Variants in SPMAP2L observed in about 807,000 individuals in gnomAD.
SPMAP2L encodes sperm microtubule associated protein 2 like.
the SPMAP2L span, among the ~76,000 whole-genome samples, chr4:56,560,586 A>G: frequency 6.6e-6 from 1 of 152,108 alleles, no homozygotes; most frequent in Non-Finnish European, 1.5e-5. Context: ...CCAACTCAAC[A>G]AGTTTGTATC....
chr4:56,592,837 C>CTTCTGCCCA, the SPMAP2L span, among the ~76,000 whole-genome samples: 1 of 152,242 alleles, frequency 6.6e-6, no homozygotes, highest in Non-Finnish European at 1.5e-5. Flanking sequence ...TGCCCAGACA[C>CTTCTGCCCA]GACGACTTCG....
chr4:56,601,203 A>G, the SPMAP2L span: 1 of 1,249,962 alleles, frequency 8.0e-7, no homozygotes, highest in Non-Finnish European at 1.1e-6. Flanking sequence ...AAAGAGTTGT[A>G]GAAATATGAA....
the SPMAP2L span, among the ~76,000 whole-genome samples, chr4:56,543,990 G>GAC: frequency 2.1e-3 from 311 of 149,722 alleles, 5 homozygotes; most frequent in African/African-American, 7.3e-3. Flanking sequence ...GAGAGAGAGA[G>GAC]AGAGAGAGAG....
chr4:56,612,751 G>C, the SPMAP2L span, among the ~76,000 whole-genome samples: 5 of 151,798 alleles, frequency 3.3e-5, no homozygotes, highest in African/African-American at 1.2e-4. Context: ...ATTTTTAGTA[G>C]AGATGGGGTT....
the SPMAP2L span, among the ~76,000 whole-genome samples, chr4:56,619,478 A>G: frequency 1.3e-5 from 2 of 152,208 alleles, no homozygotes; most frequent in Non-Finnish European, 2.9e-5. Context: ...ATGTAAGTGG[A>G]ATCATACAGT....
At chr4:56,576,494 G>A in the SPMAP2L span, among the ~76,000 whole-genome samples, 277 of 152,256 alleles carry the variant, frequency 1.8e-3, 3 homozygotes, top group East Asian at 0.03. Flanking sequence ...CTAGCTATTG[G>A]GTAATGGAAA....
the SPMAP2L span, among the ~76,000 whole-genome samples, chr4:56,604,081 T>C: frequency 6.6e-6 from 1 of 152,168 alleles, no homozygotes; most frequent in African/African-American, 2.4e-5. Flanking sequence ...ATGAACTTAC[T>C]TGAAAGCCAA....
At chr4:56,530,879 A>C in the SPMAP2L span, 1 of 1,534,878 alleles carries the variant, frequency 6.5e-7, no homozygotes, top group East Asian at 2.4e-5. Flanking sequence ...AGGGAGCAAG[A>C]CCAGAGAGAC....
At chr4:56,613,852 C>T in the SPMAP2L span, among the ~76,000 whole-genome samples, 1 of 152,206 alleles carries the variant, frequency 6.6e-6, no homozygotes, top group Non-Finnish European at 1.5e-5. Flanking sequence ...GCAGGACCTA[C>T]CACTTGATCT....
the SPMAP2L span, among the ~76,000 whole-genome samples, chr4:56,571,789 A>G: frequency 1.3e-5 from 2 of 152,200 alleles, no homozygotes; most frequent in East Asian, 3.9e-4. Context: ...TTGAGGCTGC[A>G]GTGAGCTATG....
At chr4:56,586,791 A>G in the SPMAP2L span, among the ~76,000 whole-genome samples, 3 of 152,086 alleles carry the variant, frequency 2.0e-5, no homozygotes, top group Non-Finnish European at 4.4e-5. Flanking sequence ...GTCACATAAC[A>G]TTACAGCAGT....
the SPMAP2L span, among the ~76,000 whole-genome samples, chr4:56,625,069 A>T: frequency 6.6e-6 from 1 of 152,178 alleles, no homozygotes. Flanking sequence ...GCTGCTCAAG[A>T]CCATGGGAAC....
the SPMAP2L span, among the ~76,000 whole-genome samples, chr4:56,563,079 G>A: frequency 7.4e-6 from 1 of 134,408 alleles, no homozygotes; most frequent in Non-Finnish European, 1.6e-5. Flanking sequence ...AAGATAAGAA[G>A]GTTGTTAAGG....
the SPMAP2L span, chr4:56,594,530 G>A: frequency 1.9e-6 from 3 of 1,608,138 alleles, no homozygotes; most frequent in Non-Finnish European, 2.6e-6. Flanking sequence ...AGAATATGCT[G>A]GACTGGCCAC....
chr4:56,541,296 C>T, the SPMAP2L span, among the ~76,000 whole-genome samples: 1 of 151,630 alleles, frequency 6.6e-6, no homozygotes, highest in Non-Finnish European at 1.5e-5. Context: ...AATTGTATTA[C>T]AAAAATTTAA....
At chr4:56,607,082 A>C in the SPMAP2L span, among the ~76,000 whole-genome samples, 1 of 152,124 alleles carries the variant, frequency 6.6e-6, no homozygotes. Flanking sequence ...ATGAAACAGG[A>C]TAGAGAGTGC....
chr4:56,572,838 A>G, the SPMAP2L span, among the ~76,000 whole-genome samples: 1 of 152,250 alleles, frequency 6.6e-6, no homozygotes, highest in East Asian at 1.9e-4. Flanking sequence ...CAACATGGCA[A>G]AACCCTGTCT....
At chr4:56,569,213 T>G in the SPMAP2L span, among the ~76,000 whole-genome samples, 1 of 152,202 alleles carries the variant, frequency 6.6e-6, no homozygotes, top group Non-Finnish European at 1.5e-5. Flanking sequence ...ATATTTAACT[T>G]TTTGATGAAC....
At chr4:56,595,977 C>T in the SPMAP2L span, among the ~76,000 whole-genome samples, 29 of 152,294 alleles carry the variant, frequency 1.9e-4, no homozygotes, top group African/African-American at 6.5e-4. Flanking sequence ...TTGTGTTTTG[C>T]ATAGAAAGTT....
Sources: gnomAD v4.1 joint callset for allele counts (sites outside exome capture counted in the v4.1 genomes callset) on GRCh38, gnomAD v4.1.1 for gene constraint, MANE v1.5 for transcripts, NCBI Gene and HGNC (gene_info 2026-07-23, HGNC 2026-07-21) for gene names.